The following BCORL1 variants were observed in gnomAD, a reference collection of about 807,000 sequenced individuals.
BCORL1 encodes BCL6 corepressor like 1, also known as BCL-6 corepressor-like protein 1.
A neutral mutation model predicts 87.6 loss-of-function variants in BCORL1; 7 were observed. The ratio of observed to expected loss-of-function variants is 0.08; its 90% CI spans 0.05 to 0.15. BCORL1 has a LOEUF of 0.15. Ranked by LOEUF, BCORL1 falls within the 10% of genes least tolerant of loss-of-function variation. The probability of loss-of-function intolerance (pLI) is 1.00; values close to 1 mark genes in which losing one functional copy is unlikely to be tolerated. For missense variants in BCORL1, 1,215 were observed against 1,499.7 expected (o/e 0.81, Z 3.13); for synonymous variants, 591 against 634.4 (o/e 0.93, Z 1.03).
intron 9 of BCORL1, among the ~76,000 whole-genome samples, chrX:130,037,061 G>A (rs1218903884): frequency 1.8e-5 from 2 of 111,189 alleles, no homozygotes; most frequent in Non-Finnish European, 3.8e-5. Flanking sequence ...CAGGAGAATC[G>A]CTTGAACCTG....
intron 1 of BCORL1, among the ~76,000 whole-genome samples, chrX:129,986,850 AAAAG>A (rs773019112): frequency 5.5e-4 from 61 of 111,817 alleles, no homozygotes; most frequent in Non-Finnish European, 8.5e-4. Flanking sequence ...AAAAAACAAA[AAAAG>A]AAAAAAGAAA....
intron 1 of BCORL1, among the ~76,000 whole-genome samples, chrX:129,984,457 G>A (rs1926436106): frequency 9.0e-6 from 1 of 111,241 alleles, no homozygotes; most frequent in African/African-American, 3.3e-5. Flanking sequence ...GGGGGTGTGG[G>A]TCCCGCGACT....
At chrX:130,033,632 C>A (rs890717538) in intron 8 of BCORL1, among the ~76,000 whole-genome samples, 1 of 111,854 alleles carries the variant, frequency 8.9e-6, no homozygotes, top group Non-Finnish European at 1.9e-5. Context: ...TCTGTGAGGA[C>A]TGGATGTGGA....
rs1932366481 is a variant in BCORL1 at position 130,056,045 on chromosome X, G to T, written c.5267G>T (p.Gly1756Val). 8.3e-7 allele frequency: 1 copy of T among 1,210,372 alleles called. No homozygotes were observed. The highest frequency in any genetic ancestry group is 1.7e-5 in the African/African-American group (1 of 57,324). The change falls in exon 14 of 14, where the codon GGC becomes GTC. Residue 1756 changes from glycine (G) to valine (V), a missense_variant. Around this residue, in one of 5 missense-constraint regions of BCORL1, gnomAD observed 129 missense variants for 157.5 expected, o/e 0.82. Coordinates refer to ENST00000540052, the MANE Select transcript of BCORL1 (RefSeq NM_001379451.1). ...GGCTTGGACGACAGATCCCCCCCAGGCTCCTCTGAGACTGTGGAGCTGGTG... is the reference window on the plus strand; with the variant it reads ...GGCTTGGACGACAGATCCCCCCCAGTCTCCTCTGAGACTGTGGAGCTGGTG... Reference protein sequence around the residue: ...PGGLDDRSPPGSSETVELVRY... With the variant: ...PGGLDDRSPPVSSETVELVRY...
At chrX:130,044,753 C>T (rs1449486311) in intron 11 of BCORL1, among the ~76,000 whole-genome samples, 3 of 111,801 alleles carry the variant, frequency 2.7e-5, no homozygotes, top group African/African-American at 6.5e-5. Context: ...AGGTGATCCG[C>T]CTGCCTCGGC....
At chrX:129,982,157 T>C (rs1445307438), upstream of BCORL1, among the ~76,000 whole-genome samples, 11 of 107,624 alleles carry the variant, frequency 1.0e-4, no homozygotes, top group Non-Finnish European at 1.5e-4. Context: ...CGCGGCTCAC[T>C]GACCCTCTCC....
At chrX:130,009,780 G>A (rs2124424175) in intron 2 of BCORL1, among the ~76,000 whole-genome samples, 1 of 110,788 alleles carries the variant, frequency 9.0e-6, no homozygotes, top group South Asian at 3.8e-4. Context: ...GGAAGAAACA[G>A]CAGGATTGAT....
chrX:130,034,217 G>A (rs746991878), intron 8 of BCORL1, among the ~76,000 whole-genome samples: 232 of 111,687 alleles, frequency 2.1e-3, no homozygotes, highest in African/African-American at 7.1e-3. Context: ...TCTCCCCACC[G>A]GCTACAAACT....
At chrX:129,986,906 T>C (rs755425085) in intron 1 of BCORL1, among the ~76,000 whole-genome samples, 1 of 111,730 alleles carries the variant, frequency 9.0e-6, no homozygotes, top group South Asian at 3.7e-4. Flanking sequence ...AGGACACTAT[T>C]GGTTGGATTA....
chrX:130,012,021 C>A (rs1389029028), intron 2 of BCORL1, among the ~76,000 whole-genome samples: 1 of 111,924 alleles, frequency 8.9e-6, no homozygotes, highest in Non-Finnish European at 1.9e-5. Flanking sequence ...TGTCTCTGCT[C>A]TAGGCAAGAC....
intron 11 of BCORL1, among the ~76,000 whole-genome samples, chrX:130,041,917 G>A (rs746772677): frequency 2.9e-4 from 32 of 110,731 alleles, no homozygotes; most frequent in Non-Finnish European, 5.3e-4. Context: ...GTGAGCCACC[G>A]CGCCCGGCCC....
Position 130,014,341 on chromosome X carries a change from G to T in BCORL1, c.1569G>T (p.Val523=). 1 of 1,211,465 alleles carries T rather than the reference G, an allele frequency of 8.3e-7. No individual in the cohort carries two copies. Among genetic ancestry groups the T allele is most frequent in the Non-Finnish European group, 1.1e-6 (1 of 895,422 alleles). ...TSDSKLVSLE[V]NRLPCTSPSG... is the part of the protein sequence containing the mutation. ...ATTCCAAGCTGGTATCTCTGGAGGT[G>T]AACAGGCTCCCCTGCACTTCCCCAT... Residue 523 remains valine, a synonymous_variant, in exon 4 of 14, where the codon GTG becomes GTT. Transcript: ENST00000540052.
chrX:130,011,963 A>G (rs1284696681), intron 2 of BCORL1, among the ~76,000 whole-genome samples: 1 of 111,605 alleles, frequency 9.0e-6, no homozygotes, highest in African/African-American at 3.3e-5. Context: ...CTCAGCACCC[A>G]GTGACCTGGT....
Position 130,005,310 on chromosome X carries a change from G to A in BCORL1, c.79G>A (p.Glu27Lys), listed in dbSNP as rs1057180410. 3 of 1,208,638 alleles carry A rather than the reference G, an allele frequency of 2.5e-6. No homozygotes were observed. Among genetic ancestry groups the A allele is most frequent in the East Asian group, 3.0e-5 (1 of 33,778 alleles). Reference protein sequence around the residue: ...SDRIRMCGINEERRAPLSDEE... With the variant: ...SDRIRMCGINKERRAPLSDEE... ...CCGGATTCGCATGTGTGGCATCAAC[G>A]AGGAGAGGTGAGGAGGCCAGGAAGG... The change falls in exon 2 of 14, where the codon GAG becomes AAG. Residue 27 changes from glutamate (E) to lysine (K), a missense_variant. Transcript: ENST00000540052.
In BCORL1 at chrX:130,025,046, G is replaced by T; in HGVS notation, c.3745G>T (p.Val1249Phe). ...MADSDMGSQEVFPTEEEEEVT... is the reference protein window; with the variant it reads ...MADSDMGSQEFFPTEEEEEVT... ...AGACAGTGACATGGGAAGCCAGGAA[G>T]TCTTCCCCACAGAAGAAGAAGAGGA... Residue 1249 changes from valine to phenylalanine, a missense_variant, in exon 7 of 14, where the codon GTC (valine) becomes TTC (phenylalanine). Coordinates refer to ENST00000540052, the MANE Select transcript of BCORL1 (RefSeq NM_001379451.1). 1 of 1,212,062 alleles carries T rather than the reference G, an allele frequency of 8.3e-7. No individual in the cohort carries two copies.
chrX:129,984,277 C>G (rs1242320424), intron 1 of BCORL1, among the ~76,000 whole-genome samples: 6 of 96,426 alleles, frequency 6.2e-5, no homozygotes, highest in Admixed American at 1.2e-4. Context: ...AAGAGAGTCC[C>G]GTGCCGGGGC....
rs781265364 is a variant in BCORL1, at chrX:130,012,367, C to T, written c.87-211C>T. ...AAGAGGGGGGTCTAGTCAGACTGGG[C>T]TCTGGTAGGGACTTGCAAAGCTAGG... On this transcript the variant is annotated intron_variant, in intron 2 of 13. Transcript: ENST00000540052. Among the ~76,000 whole-genome samples, 45 of 111,470 alleles carry T rather than the reference C, an allele frequency of 4.0e-4. 1 individual carries two copies. The Middle Eastern group carries it at 0.028, about 68-fold the overall frequency.
chrX:130,043,996 C>A (rs181440040), intron 11 of BCORL1, among the ~76,000 whole-genome samples: 1,134 of 105,015 alleles, frequency 0.011, 14 homozygotes, highest in African/African-American at 0.038. Flanking sequence ...TGGTCTCGAT[C>A]TCCTGGCCTC....
chrX:130,033,781 G>A (rs1004051430), intron 8 of BCORL1, among the ~76,000 whole-genome samples: 5 of 111,170 alleles, frequency 4.5e-5, no homozygotes, highest in Non-Finnish European at 5.7e-5. Context: ...TCAGGAGTTC[G>A]AGACCAGACT....
Sources: allele counts gnomAD v4.1 joint callset (sites outside exome capture counted in the v4.1 genomes callset), GRCh38; gene constraint gnomAD v4.1.1; regional missense constraint gnomAD v4.1.1; transcripts MANE v1.5; gene names NCBI Gene and HGNC (gene_info 2026-07-23, HGNC 2026-07-21).